Variants in BAG4 observed in about 807,000 individuals in gnomAD.
BAG4 encodes the protein BAG family molecular chaperone regulator 4.
Under a neutral mutation model 52.1 loss-of-function variants are expected in BAG4, and 28 were observed. That is an observed-to-expected ratio of 0.54 (90% confidence interval 0.40 to 0.74). The LOEUF (loss-of-function observed/expected upper bound fraction) is 0.74, where lower values mean the gene tolerates loss of function less well. Among genes scored for constraint, BAG4 ranks in the 30% least tolerant of loss-of-function variants. The pLI is 0.00. For missense variants in BAG4, 525 were observed against 572.0 expected (o/e 0.92, Z 0.84); for synonymous variants, 208 against 217.0 (o/e 0.96, Z 0.37).
At chr8:38,193,963 T>A (rs1803520753) in intron 2 of BAG4, among the ~76,000 whole-genome samples, 2 of 152,268 alleles carry the variant, frequency 1.3e-5, no homozygotes, top group Admixed American at 1.3e-4. Context: ...GGTCTCAATC[T>A]CTTGACCTGG....
At chr8:38,196,315 G>T (rs1030241405) in intron 2 of BAG4, among the ~76,000 whole-genome samples, 6 of 152,058 alleles carry the variant, frequency 3.9e-5, no homozygotes, top group African/African-American at 1.4e-4. Context: ...ATGTATGAGG[G>T]CTCTGATTTC....
At chr8:38,208,603 G>T (rs559817537) in intron 3 of BAG4, among the ~76,000 whole-genome samples, 1 of 152,160 alleles carries the variant, frequency 6.6e-6, no homozygotes, top group Non-Finnish European at 1.5e-5. Context: ...GAGCCACCGC[G>T]CCTGGCCAGG....
intron 1 of BAG4, among the ~76,000 whole-genome samples, chr8:38,189,560 C>G (rs2130670774): frequency 6.6e-6 from 1 of 152,286 alleles, no homozygotes. Context: ...ATTTCTTGCT[C>G]AGGTTCTGTG....
At chr8:38,188,558 C>T (rs1250622223) in intron 1 of BAG4, among the ~76,000 whole-genome samples, 1 of 150,506 alleles carries the variant, frequency 6.6e-6, no homozygotes, top group African/African-American at 2.4e-5. Context: ...CATATATGCA[C>T]ATATAAATAC....
At chr8:38,204,689 G>GA (rs937978894) in intron 2 of BAG4, among the ~76,000 whole-genome samples, 36 of 149,548 alleles carry the variant, frequency 2.4e-4, no homozygotes, top group Non-Finnish European at 2.5e-4. Flanking sequence ...AAGGGAAAAA[G>GA]AAAAAAAATA....
chr8:38,185,193 C>G (rs1448564121), intron 1 of BAG4, among the ~76,000 whole-genome samples: 2 of 151,870 alleles, frequency 1.3e-5, no homozygotes, highest in Admixed American at 1.3e-4. Flanking sequence ...GGCATATATA[C>G]TAATTGTTAT....
At chr8:38,209,673 G>T in intron 4 of BAG4, 1 of 354,352 alleles carries the variant, frequency 2.8e-6, no homozygotes, top group Non-Finnish European at 5.1e-6. Flanking sequence ...TCAAGACCTT[G>T]CTTGAGGTTT....
rs1390947456 is a variant in BAG4, at chr8:38,209,135, T to C, written c.756T>C (p.Gly252=). The C allele has an allele frequency of 6.2e-7, 1 of 1,613,990 alleles. No individual in the cohort carries two copies. Among genetic ancestry groups the C allele is most frequent in the Non-Finnish European group, 8.5e-7 (1 of 1,180,028 alleles). ...CTTCTCCTGGTGCTTATGGAATGGGTGGCCGTTATCCCTGGCCTTCATCAG... is the reference window on the plus strand; with the variant it reads ...CTTCTCCTGGTGCTTATGGAATGGGCGGCCGTTATCCCTGGCCTTCATCAG... ...AWASPGAYGM[G]GRYPWPSSAP... is the part of the protein sequence containing the mutation. Residue 252 remains glycine, a synonymous_variant, in exon 4 of 5, where the codon GGT becomes GGC. Coordinates refer to ENST00000287322, the MANE Select transcript of BAG4 (RefSeq NM_004874.4).
At chr8:38,197,444 A>G (rs1431850574) in intron 2 of BAG4, among the ~76,000 whole-genome samples, 1 of 152,234 alleles carries the variant, frequency 6.6e-6, no homozygotes, top group Admixed American at 6.5e-5. Context: ...GAAAAGATAC[A>G]GTAAAAATAC....
intron 1 of BAG4, among the ~76,000 whole-genome samples, chr8:38,188,849 A>G (rs1354818910): frequency 2.0e-5 from 3 of 152,160 alleles, no homozygotes; most frequent in East Asian, 1.9e-4. Context: ...GCTGGAGTGC[A>G]GTGGCACGAT....
At chr8:38,205,642 GC>G (rs1803758513) in intron 2 of BAG4, among the ~76,000 whole-genome samples, 1 of 152,112 alleles carries the variant, frequency 6.6e-6, no homozygotes, top group Non-Finnish European at 1.5e-5. Context: ...GACCTTAACA[GC>G]CTCTTAGTAG....
rs1476040627 is a variant in BAG4, at chr8:38,176,888, T to A, written c.19T>A (p.Ser7Thr). 1 of 1,540,724 alleles carries A rather than the reference T, an allele frequency of 6.5e-7. No homozygotes were observed. Among genetic ancestry groups the A allele is most frequent in the Non-Finnish European group, 8.8e-7 (1 of 1,142,198 alleles). MSALRR[S>T]GYGPSDGPSY... ...GGATCCCATGTCGGCCCTGAGGCGC[T>A]CGGGCTACGGCCCCAGTGACGGTCC... The change falls in exon 1 of 5, where the codon TCG becomes ACG. Residue 7 changes from serine (S) to threonine (T), a missense_variant. Ser to Thr is a moderately conservative substitution (Grantham distance 58, BLOSUM62 1). This residue lies in a region of BAG4 where 287 missense variants were observed against 266.1 expected (regional missense o/e 1.08). Coordinates refer to ENST00000287322, the MANE Select transcript of BAG4 (RefSeq NM_004874.4).
intron 1 of BAG4, among the ~76,000 whole-genome samples, chr8:38,180,595 TATTTTGACTTTTTTTTATGTTTTGC>T (rs1228905392): frequency 6.6e-6 from 1 of 151,834 alleles, no homozygotes; most frequent in Admixed American, 6.6e-5. Flanking sequence ...CCAGATTTGT[TATTTTGACTTTTTTTTATGTTTTGC>T]ATTTTTATAG....
intron 2 of BAG4, among the ~76,000 whole-genome samples, chr8:38,201,434 C>G (rs1242617964): frequency 1.3e-5 from 2 of 152,032 alleles, no homozygotes; most frequent in Non-Finnish European, 2.9e-5. Flanking sequence ...GTCTCAGTGT[C>G]CTAGGTACAG....
At chr8:38,201,261 G>A (rs1255983111) in intron 2 of BAG4, among the ~76,000 whole-genome samples, 3 of 152,120 alleles carry the variant, frequency 2.0e-5, no homozygotes, top group Non-Finnish European at 4.4e-5. Flanking sequence ...GTGAGCACAT[G>A]TGTATTTTCT....
chr8:38,209,420 T>C, intron 4 of BAG4, 153 bp downstream of exon 4: 1 of 938,294 alleles, frequency 1.1e-6, no homozygotes. Flanking sequence ...CTCGGTTTCC[T>C]TTTTCTTTTT....
intron 1 of BAG4, among the ~76,000 whole-genome samples, chr8:38,190,759 CT>C (rs763468928): frequency 1.6e-3 from 219 of 133,708 alleles, no homozygotes; most frequent in Middle Eastern, 4.1e-3. Context: ...GGTGGGTTGT[CT>C]TTTTTTTTTT....
chr8:38,194,204 T>C (rs1803525022), intron 2 of BAG4, among the ~76,000 whole-genome samples: 1 of 152,114 alleles, frequency 6.6e-6, no homozygotes, highest in African/African-American at 2.4e-5. Flanking sequence ...TTTGTGTTTT[T>C]GTGCCTTTAC....
At chr8:38,203,384 G>A (rs1585664878) in intron 2 of BAG4, among the ~76,000 whole-genome samples, 1 of 148,646 alleles carries the variant, frequency 6.7e-6, no homozygotes, top group East Asian at 2.0e-4. Flanking sequence ...CCGAGTTCAC[G>A]CCATTCTCCT....
Sources: allele counts gnomAD v4.1 joint callset (sites outside exome capture counted in the v4.1 genomes callset), GRCh38; gene constraint gnomAD v4.1.1; regional missense constraint gnomAD v4.1.1; transcripts MANE v1.5; gene names NCBI Gene and HGNC (gene_info 2026-07-23, HGNC 2026-07-21).